The following DOCK5 variants were observed in gnomAD, a reference collection of about 807,000 sequenced individuals.
The protein encoded by DOCK5 is dedicator of cytokinesis 5.
In DOCK5, 142 loss-of-function variants were observed where a neutral mutation model predicts 251.8. The ratio of observed to expected loss-of-function variants is 0.56; its 90% CI spans 0.49 to 0.65. DOCK5 has a LOEUF of 0.65. Ranked by LOEUF, DOCK5 falls within the 30% of genes least tolerant of loss-of-function variation. DOCK5 has a pLI of 0.00. For missense variants in DOCK5, 2,111 were observed against 2,312.3 expected (o/e 0.91, Z 1.79); for synonymous variants, 842 against 835.5 (o/e 1.01, Z -0.13).
intron 28 of DOCK5, among the ~76,000 whole-genome samples, chr8:25,361,938 A>C (rs1800689617): frequency 6.6e-6 from 1 of 152,218 alleles, no homozygotes; most frequent in African/African-American, 2.4e-5. Context: ...CAGGACTTTC[A>C]AGAATCCCAG....
At chr8:25,393,684 A>G (rs1447365900) in intron 44 of DOCK5, among the ~76,000 whole-genome samples, 2 of 152,100 alleles carry the variant, frequency 1.3e-5, no homozygotes, top group Non-Finnish European at 2.9e-5. Context: ...CCAGCTTCTC[A>G]ATGAATCCAT....
At chr8:25,284,052 CA>C (rs1005975544) in intron 5 of DOCK5, among the ~76,000 whole-genome samples, 2 of 152,082 alleles carry the variant, frequency 1.3e-5, no homozygotes, top group African/African-American at 4.8e-5. Context: ...CTATTATATT[CA>C]GAAAAAAATG....
intron 9 of DOCK5, among the ~76,000 whole-genome samples, chr8:25,302,120 G>A (rs991469312): frequency 1.3e-5 from 2 of 152,196 alleles, no homozygotes; most frequent in Non-Finnish European, 2.9e-5. Context: ...GAACAAAAAA[G>A]CACTTGTTTA....
chr8:25,243,301 G>T (rs1803003386), intron 1 of DOCK5, among the ~76,000 whole-genome samples: 1 of 150,640 alleles, frequency 6.6e-6, no homozygotes, highest in Non-Finnish European at 1.5e-5. Flanking sequence ...AGAGTTGTTT[G>T]TTGACCGAAT....
At position 25,219,109 on chromosome 8, in the gene DOCK5, A is replaced by G. The variant is rs1181717182; in HGVS notation, c.44-24565A>G. On this transcript the variant is annotated intron_variant, in intron 1 of 51. Coordinates refer to ENST00000276440, the MANE Select transcript of DOCK5 (RefSeq NM_024940.8). The stretch of plus-strand genomic sequence containing the variant: ...TTCCGCTATCTGTTGGTAGACGAGT[A>G]TCTGCTCTTCTACCTGGCTACTTCC... 2.0e-5 allele frequency among the ~76,000 whole-genome samples: 3 copies of G among 152,296 alleles called. No homozygotes were observed. In the East Asian group the frequency reaches 5.8e-4, roughly 29 times the overall value.
chr8:25,242,049 T>A (rs1802967029), intron 1 of DOCK5, among the ~76,000 whole-genome samples: 1 of 152,152 alleles, frequency 6.6e-6, no homozygotes, highest in South Asian at 2.1e-4. Context: ...AAATACCTAA[T>A]GTAGATGACG....
intron 22 of DOCK5, among the ~76,000 whole-genome samples, chr8:25,339,885 C>T (rs1399920814): frequency 6.6e-6 from 1 of 152,122 alleles, no homozygotes; most frequent in African/African-American, 2.4e-5. Flanking sequence ...AATGGATTAT[C>T]GAAGGCTACA....
chr8:25,342,568 C>G, intron 25 of DOCK5, 61 bp downstream of exon 25: 3 of 1,291,064 alleles, frequency 2.3e-6, no homozygotes, highest in Non-Finnish European at 3.3e-6. Flanking sequence ...CACCATTGCA[C>G]TCCAGCCTGG....
intron 22 of DOCK5, among the ~76,000 whole-genome samples, chr8:25,337,328 T>A (rs1255461794): frequency 2.6e-5 from 4 of 152,168 alleles, no homozygotes; most frequent in Non-Finnish European, 5.9e-5. Context: ...CAAAAATTGG[T>A]CCTGTATTTC....
At chr8:25,365,380 T>C (rs1417851222) in intron 30 of DOCK5, among the ~76,000 whole-genome samples, 1 of 152,208 alleles carries the variant, frequency 6.6e-6, no homozygotes, top group Non-Finnish European at 1.5e-5. Flanking sequence ...GTGGAACTGT[T>C]ATCAGTGGAG....
At chr8:25,243,472 A>G (rs975991946) in intron 1 of DOCK5, among the ~76,000 whole-genome samples, 1 of 151,838 alleles carries the variant, frequency 6.6e-6, no homozygotes, top group African/African-American at 2.4e-5. Flanking sequence ...CTGAGATTAC[A>G]TGCGCCTGCC....
intron 16 of DOCK5, among the ~76,000 whole-genome samples, chr8:25,323,462 A>G (rs556941027): frequency 1.3e-5 from 2 of 152,300 alleles, no homozygotes; most frequent in African/African-American, 2.4e-5. Flanking sequence ...TGCGCTGGGA[A>G]GGTCTTGTAG....
chr8:25,270,697 C>A lies in DOCK5; in HGVS notation c.168+1812C>A, dbSNP rs187824902. The A allele has an allele frequency of 5.4e-5, 30 of 553,842 alleles. 1 individual carries two copies. The East Asian group carries it at 6.2e-4, about 11-fold the overall frequency. The allele number at this position is 553,842 out of a possible 1,614,324, so 34.3% of individuals were successfully genotyped here. ...TAGATCAGGTCTTCTTTTTCATAGACTACAGTATGTAAGGATCCTTTTGAA... is the reference window on the plus strand; with the variant it reads ...TAGATCAGGTCTTCTTTTTCATAGAATACAGTATGTAAGGATCCTTTTGAA... On this transcript the variant is annotated intron_variant, in intron 3 of 51. Transcript: ENST00000276440.
rs1236218728 is a variant in DOCK5 at position 25,308,767 on chromosome 8, A to G, written c.1050-16A>G. 2 of 1,612,798 alleles carry G rather than the reference A, an allele frequency of 1.2e-6. No individual in the cohort carries two copies. Among genetic ancestry groups the G allele is most frequent in the African/African-American group, 2.7e-5 (2 of 74,876 alleles). On this transcript the variant is annotated splice_polypyrimidine_tract_variant and intron_variant, in intron 11 of 51. Coordinates refer to ENST00000276440, the MANE Select transcript of DOCK5 (RefSeq NM_024940.8). Reference sequence around the variant, plus strand: ...TTCTCCCCCTCCCACCTTACCTCTTATTTCTCTTTCCCAAGAATTGCGATG... The same window carrying G: ...TTCTCCCCCTCCCACCTTACCTCTTGTTTCTCTTTCCCAAGAATTGCGATG...
At chr8:25,341,873 A>G in intron 24 of DOCK5, 64 bp downstream of exon 24, 1 of 1,328,290 alleles carries the variant, frequency 7.5e-7, no homozygotes, top group Non-Finnish European at 1.0e-6. Context: ...GCTTGGCTGG[A>G]GCCTGGGCTG....
At chr8:25,343,706 C>T (rs1472201493) in intron 25 of DOCK5, among the ~76,000 whole-genome samples, 1 of 152,236 alleles carries the variant, frequency 6.6e-6, no homozygotes, top group Non-Finnish European at 1.5e-5. Flanking sequence ...CATCCCTTCT[C>T]AACCCCACGT....
At chr8:25,365,000 C>A (rs1586365379) in intron 30 of DOCK5, among the ~76,000 whole-genome samples, 1 of 152,084 alleles carries the variant, frequency 6.6e-6, no homozygotes. Context: ...TTGGAGTTGA[C>A]CCTTTGTATA....
At chr8:25,225,705 CAAA>C (rs1179458798) in intron 1 of DOCK5, among the ~76,000 whole-genome samples, 6 of 71,038 alleles carry the variant, frequency 8.4e-5, no homozygotes, top group Non-Finnish European at 6.0e-5. Context: ...GACTCAGTCT[CAAA>C]AAAAAAAAAA....
At chr8:25,315,499 C>G (rs1008435810) in intron 13 of DOCK5, among the ~76,000 whole-genome samples, 1 of 152,200 alleles carries the variant, frequency 6.6e-6, no homozygotes, top group African/African-American at 2.4e-5. Flanking sequence ...ACACCCAGCA[C>G]ACGCCTGCTG....
Sources: allele counts gnomAD v4.1 joint callset (sites outside exome capture counted in the v4.1 genomes callset), GRCh38; gene constraint gnomAD v4.1.1; transcripts MANE v1.5; gene names NCBI Gene and HGNC (gene_info 2026-07-23, HGNC 2026-07-21).